The following MECR variants were observed in gnomAD, a reference collection of about 807,000 sequenced individuals.
MECR encodes the protein enoyl-[acyl-carrier-protein] reductase, mitochondrial.
In MECR, 37 loss-of-function variants were observed where a neutral mutation model predicts 49.1. That is an observed-to-expected ratio of 0.75 (90% CI 0.58 to 0.99). The LOEUF is 0.99. Among genes scored for constraint, MECR ranks in the 50% least tolerant of loss-of-function variants. The probability of loss-of-function intolerance (pLI) is 0.00; values close to 1 mark genes in which losing one functional copy is unlikely to be tolerated. For synonymous variants in MECR, 198 were observed against 191.1 expected (o/e 1.04, Z -0.30); for missense variants, 470 against 479.6 (o/e 0.98, Z 0.19).
In MECR at chr1:29,230,834, C is replaced by G; in HGVS notation, c.73G>C (p.Gly25Arg). The stretch of plus-strand genomic sequence containing the variant: ...GAGGAGGCGGCAGGTCCGTGACAGC[C>G]AGAAGCTGGGAGCAGCCCCCGCCAC... The part of the protein sequence containing the change: ...RQWRGLLPAS[G>R]CHGPAASSYS... The change falls in exon 1 of 10, where the codon GGC (glycine) becomes CGC (arginine). Residue 25 changes from glycine to arginine, a missense_variant. Physicochemically the swap from Gly to Arg is moderately radical, Grantham distance 125. Coordinates refer to ENST00000263702, the MANE Select transcript of MECR (RefSeq NM_016011.5). 2 of 1,607,726 alleles carry G rather than the reference C, an allele frequency of 1.2e-6. No homozygotes were observed. Among genetic ancestry groups the G allele is most frequent in the Admixed American group, 3.3e-5 (2 of 59,808 alleles).
At chr1:29,226,577 T>C (rs1682119418) in intron 1 of MECR, among the ~76,000 whole-genome samples, 1 of 152,166 alleles carries the variant, frequency 6.6e-6, no homozygotes. Flanking sequence ...ATTTTTTATT[T>C]AAAATATTTA....
chr1:29,195,615 C>T (rs935808754), intron 9 of MECR, among the ~76,000 whole-genome samples: 1 of 152,218 alleles, frequency 6.6e-6, no homozygotes, highest in African/African-American at 2.4e-5. Context: ...CTAGGCAGAA[C>T]CTCTATCCAG....
intron 3 of MECR, among the ~76,000 whole-genome samples, chr1:29,208,114 T>A (rs1042541117): frequency 6.6e-6 from 1 of 152,084 alleles, no homozygotes; most frequent in Non-Finnish European, 1.5e-5. Context: ...TGCCTCAGCC[T>A]CCCGAATAGC....
At chr1:29,188,681 C>T (rs1673071168), downstream of MECR, among the ~76,000 whole-genome samples, 1 of 151,922 alleles carries the variant, frequency 6.6e-6, no homozygotes, top group Admixed American at 6.6e-5. Flanking sequence ...CTCTTGTTGC[C>T]CAGGATGGAG....
At chr1:29,181,583 C>A in the MECR span, 7 of 1,377,668 alleles carry the variant, frequency 5.1e-6, no homozygotes, top group Non-Finnish European at 5.9e-6. Context: ...CCCGTCCCCG[C>A]GGCCTCCCCA....
intron 7 of MECR, among the ~76,000 whole-genome samples, chr1:29,197,354 G>A (rs914859345): frequency 2.0e-5 from 3 of 152,192 alleles, no homozygotes; most frequent in African/African-American, 7.2e-5. Context: ...CTACAGATAA[G>A]GAATGATGTG....
At chr1:29,212,805 C>T (rs1245104984) in intron 3 of MECR, among the ~76,000 whole-genome samples, 1 of 152,238 alleles carries the variant, frequency 6.6e-6, no homozygotes, top group Non-Finnish European at 1.5e-5. Context: ...ACCGTGGATG[C>T]AGGACCGCTG....
intron 3 of MECR, among the ~76,000 whole-genome samples, chr1:29,210,487 C>T (rs1408241495): frequency 1.3e-5 from 2 of 152,216 alleles, no homozygotes; most frequent in Non-Finnish European, 2.9e-5. Flanking sequence ...CTAACACTTA[C>T]TGTACTCTAC....
chr1:29,196,945 C>T (rs1674155408), intron 7 of MECR, among the ~76,000 whole-genome samples: 1 of 152,138 alleles, frequency 6.6e-6, no homozygotes, highest in African/African-American at 2.4e-5. Context: ...GTTGAGGCTG[C>T]AGTGAGCTGA....
intron 5 of MECR, among the ~76,000 whole-genome samples, 184 bp from the exon 6 acceptor site, chr1:29,202,229 G>A (rs933939662): frequency 3.3e-5 from 5 of 152,234 alleles, no homozygotes; most frequent in African/African-American, 7.2e-5. Flanking sequence ...GCTCTTGGCT[G>A]TCTCCTCACT....
chr1:29,215,597 G>A (rs1254411279), intron 3 of MECR, among the ~76,000 whole-genome samples: 1 of 151,708 alleles, frequency 6.6e-6, no homozygotes, highest in Non-Finnish European at 1.5e-5. Flanking sequence ...AAGGCCAAGC[G>A]TGGTGGCTCA....
In MECR at chr1:29,219,620, T is replaced by C. The variant is rs191375187; in HGVS notation, c.177-2935A>G. 2.9e-3 allele frequency among the ~76,000 whole-genome samples: 445 copies of C among 152,324 alleles called. 1 individual carries two copies. The highest frequency in any genetic ancestry group is 9.7e-3 in the African/African-American group (405 of 41,568). Reference sequence around the variant, plus strand: ...TTAGTTTGTGAAGCCATTTCATACATTTTTTGTCAATTGATCAGGACAAGA... The same window carrying C: ...TTAGTTTGTGAAGCCATTTCATACACTTTTTGTCAATTGATCAGGACAAGA... On this transcript the variant is annotated intron_variant, in intron 1 of 9. Coordinates refer to ENST00000263702, the MANE Select transcript of MECR (RefSeq NM_016011.5).
Position 29,206,911 on chromosome 1 carries a change from T to A in MECR, c.407-6A>T, listed in dbSNP as rs1190163955. 6.2e-7 allele frequency: 1 copy of A among 1,613,752 alleles called. No individual in the cohort carries two copies. Among genetic ancestry groups the A allele is most frequent in the Admixed American group, 1.7e-5 (1 of 59,982 alleles). ...AGCCTCGGTCCGCCAGGTTCCTGAG[T>A]CAGAAGATGAAGCCAGGATCATAAG... On this transcript the variant is annotated splice_polypyrimidine_tract_variant and splice_region_variant and intron_variant, in intron 3 of 9. Coordinates refer to ENST00000263702, the MANE Select transcript of MECR (RefSeq NM_016011.5).
the MECR span, chr1:29,168,515 T>A: frequency 6.6e-6 from 1 of 152,126 alleles, no homozygotes; most frequent in Non-Finnish European, 1.5e-5. Flanking sequence ...TGGGGCAGGG[T>A]GAAGCACCTC....
intron 3 of MECR, among the ~76,000 whole-genome samples, chr1:29,208,536 C>G (rs761281892): frequency 1.1e-4 from 16 of 152,202 alleles, no homozygotes; most frequent in South Asian, 2.1e-4. Context: ...CAACTCCCAG[C>G]CCACATTCCA....
At chr1:29,229,670 G>C (rs1441388871) in intron 1 of MECR, among the ~76,000 whole-genome samples, 1 of 152,208 alleles carries the variant, frequency 6.6e-6, no homozygotes, top group Non-Finnish European at 1.5e-5. Context: ...TTACCACTAT[G>C]AACTTTGTCT....
At chr1:29,176,019 G>C in the MECR span, among the ~76,000 whole-genome samples, 1 of 152,098 alleles carries the variant, frequency 6.6e-6, no homozygotes, top group Admixed American at 6.6e-5. Flanking sequence ...TTGGGAGGCC[G>C]AGGCAGGTGG....
chr1:29,216,466 T>C (rs975696422), intron 2 of MECR, 122 bp downstream of exon 2: 30 of 1,031,386 alleles, frequency 2.9e-5, no homozygotes, highest in Non-Finnish European at 4.0e-5. Context: ...TGCAGACGGC[T>C]CATCTGGAGA....
intron 3 of MECR, among the ~76,000 whole-genome samples, chr1:29,215,040 G>T (rs1679028772): frequency 1.3e-5 from 2 of 152,102 alleles, no homozygotes; most frequent in South Asian, 4.1e-4. Flanking sequence ...AATAGACAGG[G>T]TCTCACTCTG....
Sources: allele counts gnomAD v4.1 joint callset (sites outside exome capture counted in the v4.1 genomes callset), GRCh38; gene constraint gnomAD v4.1.1; transcripts MANE v1.5; gene names NCBI Gene and HGNC (gene_info 2026-07-23, HGNC 2026-07-21).